The following GOLGA7 variants were observed in gnomAD, a reference collection of about 807,000 sequenced individuals.
GOLGA7 encodes golgin subfamily A member 7.
Under a neutral mutation model 21.1 loss-of-function variants are expected in GOLGA7, and 10 were observed. That is an observed-to-expected ratio of 0.47 (90% CI 0.29 to 0.80). The LOEUF is 0.80. GOLGA7 is among the 30% of genes least tolerant of loss of function. GOLGA7 has a pLI of 0.08. For synonymous variants in GOLGA7, 64 were observed against 62.6 expected, an observed-to-expected ratio of 1.02 and a Z score of -0.10; for missense variants, 114 against 166.8, an observed-to-expected ratio of 0.68 and a Z score of 1.74.
chr8:41,506,018 T>G lies in GOLGA7; in HGVS notation c.366+6T>G. On this transcript the variant is annotated splice_donor_region_variant and intron_variant, in intron 3 of 4. Coordinates refer to ENST00000357743, the MANE Select transcript of GOLGA7 (RefSeq NM_001002296.2). ...TTGAGCGAGGACTGCGAGTTGTATC[T>G]TTTTAGTTCGGATCAGAAAGTCTAA... 1 of 1,397,210 alleles carries G rather than the reference T, an allele frequency of 7.2e-7. No individual in the cohort carries two copies. The highest frequency in any genetic ancestry group is 1.0e-6 in the Non-Finnish European group (1 of 993,356). The allele number at this position is 1,397,210 out of a possible 1,614,324, so 86.6% of individuals were successfully genotyped here. A position where few individuals can be genotyped will look rare whatever the true frequency, so the allele number is the denominator to read the frequency against.
intron 2 of GOLGA7, among the ~76,000 whole-genome samples, chr8:41,501,755 A>G (rs1382484357): frequency 3.9e-5 from 6 of 152,344 alleles, no homozygotes; most frequent in Admixed American, 2.0e-4. Context: ...GTGAACTCAC[A>G]TATGATTTTT....
chr8:41,509,846 A>G lies in GOLGA7; in HGVS notation c.*278A>G, dbSNP rs937615750. ...TGAAGCACTTCACTTTTTTTTATTC[A>G]AAGCCATTTAATAAAACACAGTTGG... On this transcript the variant is annotated 3_prime_UTR_variant, in exon 5 of 5. Transcript: ENST00000357743. 1.3e-5 allele frequency: 2 copies of G among 152,542 alleles called. No homozygotes were observed. Among genetic ancestry groups the G allele is most frequent in the African/African-American group, 4.8e-5 (2 of 41,418 alleles). The allele number at this position is 152,542 out of a possible 1,614,324, so 9.4% of individuals were successfully genotyped here. A position where few individuals can be genotyped will look rare whatever the true frequency, so the allele number is the denominator to read the frequency against.
chr8:41,491,208 G>T (rs1233146567), intron 1 of GOLGA7, among the ~76,000 whole-genome samples: 2 of 152,214 alleles, frequency 1.3e-5, no homozygotes, highest in Non-Finnish European at 2.9e-5. Flanking sequence ...GTTGCCCGGT[G>T]CCGGGAATCT....
chr8:41,496,329 C>T (rs982723413), intron 1 of GOLGA7, among the ~76,000 whole-genome samples: 1 of 151,700 alleles, frequency 6.6e-6, no homozygotes, highest in African/African-American at 2.4e-5. Flanking sequence ...TGACTGTGAC[C>T]CCTCACATGA....
rs1345688708 is a variant in GOLGA7 at position 41,510,301 on chromosome 8, T to G, written c.*733T>G. The stretch of plus-strand genomic sequence containing the variant: ...AATGTTGGAAAGATATGATACGTGC[T>G]GCTTGTTCATCACAAAAATCAGTAA... On this transcript the variant is annotated 3_prime_UTR_variant, in exon 5 of 5. Transcript: ENST00000357743. The G allele has an allele frequency of 6.6e-6, 1 of 152,670 alleles. No individual in the cohort carries two copies. The highest frequency in any genetic ancestry group is 2.4e-5 in the African/African-American group (1 of 41,462). 9.5% of individuals were successfully genotyped at this position (152,670 alleles called of 1,614,324 possible).
chr8:41,497,530 G>A lies in GOLGA7; in HGVS notation c.133G>A (p.Glu45Lys), dbSNP rs759985523. The A allele has an allele frequency of 2.2e-5, 34 of 1,564,716 alleles. No homozygotes were observed. Residue 45 changes from glutamate to lysine, a missense_variant, in exon 2 of 5, where the codon GAA (glutamate) becomes AAA (lysine). By Grantham distance (56) the Glu-to-Lys change is moderately conservative. Coordinates refer to ENST00000357743, the MANE Select transcript of GOLGA7 (RefSeq NM_001002296.2). ...ENRIDRQQFE[E>K]TVRTLNNLYA... ...ACAGATTGATAGGCAGCAGTTTGAAGAAACAGTTCGAACTCTAAATAACCT... is the reference window on the plus strand; with the variant it reads ...ACAGATTGATAGGCAGCAGTTTGAAAAAACAGTTCGAACTCTAAATAACCT...
Position 41,510,699 on chromosome 8 carries a change from C to T in GOLGA7, c.*1131C>T, listed in dbSNP as rs1033733091. Reference sequence around the variant, plus strand: ...TTCGTTTATCCTTGGGGTTTGAGAGCGCTGTATTTGGGAGAGAGTTTAAAA... The same window carrying T: ...TTCGTTTATCCTTGGGGTTTGAGAGTGCTGTATTTGGGAGAGAGTTTAAAA... On this transcript the variant is annotated 3_prime_UTR_variant, in exon 5 of 5. Coordinates refer to ENST00000357743, the MANE Select transcript of GOLGA7 (RefSeq NM_001002296.2). 3 of 152,546 alleles carry T rather than the reference C, an allele frequency of 2.0e-5. No individual in the cohort carries two copies. Among genetic ancestry groups the T allele is most frequent in the African/African-American group, 7.3e-5 (3 of 41,366 alleles). 9.4% of individuals were successfully genotyped at this position (152,546 alleles called of 1,614,324 possible).
intron 1 of GOLGA7, among the ~76,000 whole-genome samples, chr8:41,494,507 A>T (rs1486826062): frequency 6.6e-6 from 1 of 152,254 alleles, no homozygotes; most frequent in Non-Finnish European, 1.5e-5. Context: ...ATCGGTGGAC[A>T]AACTGAAGGC....
chr8:41,503,562 T>C (rs1806202197), intron 2 of GOLGA7, among the ~76,000 whole-genome samples: 1 of 81,492 alleles, frequency 1.2e-5, no homozygotes, highest in Non-Finnish European at 2.4e-5. Context: ...CGTTTAAATC[T>C]TTAATCCATC....
intron 2 of GOLGA7, among the ~76,000 whole-genome samples, chr8:41,504,000 T>G: frequency 6.8e-6 from 1 of 147,190 alleles, no homozygotes; most frequent in Non-Finnish European, 1.5e-5. Context: ...GGGATAGCAT[T>G]GGGAGATATA....
intron 3 of GOLGA7, 53 bp from the exon 4 acceptor site, chr8:41,507,006 C>A (rs1429461974): frequency 1.2e-6 from 1 of 851,672 alleles, no homozygotes; most frequent in Non-Finnish European, 2.1e-6. Flanking sequence ...TGCCAAGTCC[C>A]CCTTTGTGTG....
Position 41,507,117 on chromosome 8 carries a change from TA to T in GOLGA7, c.*14del. The T allele has an allele frequency of 9.1e-7, 1 of 1,102,746 alleles. No individual in the cohort carries two copies. Among genetic ancestry groups the T allele is most frequent in the African/African-American group, 1.5e-5 (1 of 65,358 alleles). 68.3% of individuals were successfully genotyped at this position (1,102,746 alleles called of 1,614,324 possible). On this transcript the variant is annotated 3_prime_UTR_variant, in exon 4 of 5. Coordinates refer to ENST00000357743, the MANE Select transcript of GOLGA7 (RefSeq NM_001002296.2). ...AGCAGTGGAAGATAAACCGAAGAAT[TA>T]AAGGTAAATATGAAATGATATGGCT...
chr8:41,508,089 C>T (rs984888774), intron 4 of GOLGA7, among the ~76,000 whole-genome samples: 4 of 152,210 alleles, frequency 2.6e-5, no homozygotes, highest in African/African-American at 9.6e-5. Flanking sequence ...ATGATGTTCT[C>T]ACAGTCACAC....
intron 2 of GOLGA7, among the ~76,000 whole-genome samples, chr8:41,500,813 C>T (rs550525790): frequency 1.4e-4 from 21 of 152,254 alleles, no homozygotes; most frequent in African/African-American, 4.8e-4. Flanking sequence ...GGAAGCTCCA[C>T]AGAAGTCCAG....
chr8:41,497,672 A>T lies in GOLGA7; in HGVS notation c.264+11A>T, dbSNP rs576188594. On this transcript the variant is annotated intron_variant, in intron 2 of 4. Coordinates refer to ENST00000357743, the MANE Select transcript of GOLGA7 (RefSeq NM_001002296.2). ...ACTCATTATGAGAAGGTAATGCTAC[A>T]TTTGTTTTCACAAAAATCTCTTAAA... The T allele has an allele frequency of 6.8e-5, 98 of 1,444,572 alleles. No individual in the cohort carries two copies. In the South Asian group the frequency reaches 1.1e-3, roughly 17 times the overall value. 89.5% of individuals were successfully genotyped at this position (1,444,572 alleles called of 1,614,324 possible).
At chr8:41,507,010 T>G (rs1470673976) in intron 3 of GOLGA7, 49 bp from the exon 4 acceptor site, 2 of 873,174 alleles carry the variant, frequency 2.3e-6, no homozygotes, top group Non-Finnish European at 4.0e-6. Context: ...AAGTCCCCCT[T>G]TGTGTGTTGT....
chr8:41,491,546 A>G (rs1271130408), intron 1 of GOLGA7, among the ~76,000 whole-genome samples: 1 of 152,156 alleles, frequency 6.6e-6, no homozygotes, highest in Non-Finnish European at 1.5e-5. Context: ...TAAACTTGTC[A>G]CATTCACTGG....
At chr8:41,501,569 A>T (rs1208875690) in intron 2 of GOLGA7, among the ~76,000 whole-genome samples, 1 of 151,668 alleles carries the variant, frequency 6.6e-6, no homozygotes, top group Non-Finnish European at 1.5e-5. Flanking sequence ...TTACTTTTTT[A>T]AAAAAAACTA....
intron 2 of GOLGA7, among the ~76,000 whole-genome samples, chr8:41,501,824 A>T (rs1048015537): frequency 2.0e-5 from 3 of 152,242 alleles, no homozygotes; most frequent in Admixed American, 6.5e-5. Flanking sequence ...TGCTGAAAAC[A>T]CTTAGCAGCT....
Sources: allele counts gnomAD v4.1 joint callset (sites outside exome capture counted in the v4.1 genomes callset), GRCh38; gene constraint gnomAD v4.1.1; transcripts MANE v1.5; gene names NCBI Gene and HGNC (gene_info 2026-07-23, HGNC 2026-07-21).